Variants in KLHL14 observed in about 807,000 individuals in gnomAD.
KLHL14 encodes kelch like family member 14.
KLHL14 carries 22 observed loss-of-function variants against 64.3 expected under a neutral mutation model. The ratio of observed to expected loss-of-function variants is 0.34; its 90% confidence interval spans 0.24 to 0.49. KLHL14 has a LOEUF of 0.49. Among genes scored for constraint, KLHL14 ranks in the 20% least tolerant of loss-of-function variants. KLHL14 has a pLI of 0.99. For synonymous variants in KLHL14, 322 were observed against 333.4 expected (o/e 0.97, Z 0.37); for missense variants, 661 against 789.0 (o/e 0.84, Z 1.94).
At chr18:32,726,831 A>G (rs2050110660) in intron 3 of KLHL14, among the ~76,000 whole-genome samples, 1 of 152,132 alleles carries the variant, frequency 6.6e-6, no homozygotes, top group Non-Finnish European at 1.5e-5. Context: ...ACCCTCATCA[A>G]TTCTGCTTAA....
Position 32,773,020 on chromosome 18 carries a change from G to C in KLHL14, c.-397C>G, listed in dbSNP as rs1461465131. The C allele has an allele frequency of 3.5e-5, 9 of 259,138 alleles. No homozygotes were observed. The highest frequency in any genetic ancestry group is 5.5e-5 in the Non-Finnish European group (7 of 127,282). The allele number at this position is 259,138 out of a possible 1,614,324, so 16.1% of individuals were successfully genotyped here. On this transcript the variant is annotated 5_prime_UTR_variant, in exon 1 of 9. Transcript: ENST00000359358. ...CCTGGGGCTCAGTGAGTCGTAACGA[G>C]AGTAATAGGAAATCCACGGTTGGGG...
intron 4 of KLHL14, 151 bp downstream of exon 4, chr18:32,695,312 T>C (rs1030177742): frequency 1.6e-6 from 1 of 635,976 alleles, no homozygotes; most frequent in Non-Finnish European, 2.8e-6. Flanking sequence ...TGACCCTCTC[T>C]CCAATTGTCA....
rs1351878984 is a variant in KLHL14 at position 32,673,745 on chromosome 18, G to A, written c.*912C>T. On this transcript the variant is annotated 3_prime_UTR_variant, in exon 9 of 9. Transcript: ENST00000359358. Reference sequence around the variant, plus strand: ...TCTTTCTTTTCATCCCTGAATTCCTGAAAACAATCTCCCATTTTTTTTTAT... The same window carrying A: ...TCTTTCTTTTCATCCCTGAATTCCTAAAAACAATCTCCCATTTTTTTTTAT... 1.3e-5 allele frequency: 2 copies of A among 152,076 alleles called. No individual in the cohort carries two copies. The highest frequency in any genetic ancestry group is 2.9e-5 in the Non-Finnish European group (2 of 68,012). 9.4% of individuals were successfully genotyped at this position (152,076 alleles called of 1,614,324 possible).
At chr18:32,733,060 TGAAAG>T (rs1376907690) in intron 3 of KLHL14, among the ~76,000 whole-genome samples, 1 of 152,186 alleles carries the variant, frequency 6.6e-6, no homozygotes, top group Non-Finnish European at 1.5e-5. Context: ...TGAGCAGTAT[TGAAAG>T]GAAACAGAGT....
rs10676001 is a variant in KLHL14, at chr18:32,761,393, C to CT, written c.947+8251dup. 4.8e-3 allele frequency among the ~76,000 whole-genome samples: 605 copies of CT among 127,058 alleles called. 6 individuals are homozygous for CT. The highest frequency in any genetic ancestry group is 0.015 in the South Asian group (60 of 4,088). 83.4% of individuals were successfully genotyped at this position (127,058 alleles called of 152,430 possible). ...CTTGCCACAAATGTAGCCACACATC[C>CT]TTTTTTTTTTTTTTTTTTTAAGTTC... On this transcript the variant is annotated intron_variant, in intron 2 of 8. Transcript: ENST00000359358.
At chr18:32,726,532 G>A (rs1346949696) in intron 3 of KLHL14, among the ~76,000 whole-genome samples, 1 of 152,046 alleles carries the variant, frequency 6.6e-6, no homozygotes, top group Non-Finnish European at 1.5e-5. Context: ...GCTGAGGTAG[G>A]AGAATCACTT....
chr18:32,686,177 A>ATTTTTTTTTTTTTT (rs148393455), intron 5 of KLHL14, among the ~76,000 whole-genome samples: 110 of 107,658 alleles, frequency 1.0e-3, no homozygotes, highest in Middle Eastern at 6.3e-3. Flanking sequence ...GTGCCCGGCT[A>ATTTTTTTTTTTTTT]TTTTTTTTTT....
At chr18:32,761,393 C>CTTTTTTT (rs10676001) in intron 2 of KLHL14, among the ~76,000 whole-genome samples, 6 of 127,068 alleles carry the variant, frequency 4.7e-5, no homozygotes, top group Admixed American at 8.0e-5. Flanking sequence ...GCCACACATC[C>CTTTTTTT]TTTTTTTTTT....
chr18:32,736,093 G>A (rs2050164661), intron 3 of KLHL14, among the ~76,000 whole-genome samples: 1 of 152,148 alleles, frequency 6.6e-6, no homozygotes, highest in South Asian at 2.1e-4. Context: ...TACACATGCT[G>A]TTCTCTGGAG....
At chr18:32,717,967 C>T (rs564016736) in intron 3 of KLHL14, among the ~76,000 whole-genome samples, 45 of 152,348 alleles carry the variant, frequency 3.0e-4, no homozygotes, top group Admixed American at 4.6e-4. Flanking sequence ...CTGTCTCTTA[C>T]TTCTACAGCC....
Position 32,745,868 on chromosome 18 carries a change from AC to A in KLHL14, c.948-3820del, listed in dbSNP as rs1250231722. Among the ~76,000 whole-genome samples, 6 of 152,360 alleles carry A rather than the reference AC, an allele frequency of 3.9e-5. No individual in the cohort carries two copies. The South Asian group carries it at 1.2e-3, about 32-fold the overall frequency. ...ATTTGAAAACACCACAAACAAAGAT[AC>A]CTGTGAACTAGAAAAGTAAAATTAA... On this transcript the variant is annotated intron_variant, in intron 2 of 8. Coordinates refer to ENST00000359358, the MANE Select transcript of KLHL14 (RefSeq NM_020805.3).
intron 3 of KLHL14, among the ~76,000 whole-genome samples, chr18:32,718,019 G>A (rs1450053724): frequency 6.6e-6 from 1 of 152,178 alleles, no homozygotes; most frequent in African/African-American, 2.4e-5. Context: ...TATAAAATGA[G>A]TTTTGTATTT....
chr18:32,748,255 A>T (rs1024805611), intron 2 of KLHL14, among the ~76,000 whole-genome samples: 3 of 152,112 alleles, frequency 2.0e-5, no homozygotes, highest in East Asian at 1.9e-4. Context: ...TCAGTTGCCC[A>T]GGCTTCTGGA....
At chr18:32,764,261 G>A (rs2050329095) in intron 2 of KLHL14, among the ~76,000 whole-genome samples, 1 of 152,036 alleles carries the variant, frequency 6.6e-6, no homozygotes, top group East Asian at 1.9e-4. Flanking sequence ...TTCTACATTA[G>A]GAGGTTTTAT....
At chr18:32,724,730 T>C (rs551520502) in intron 3 of KLHL14, among the ~76,000 whole-genome samples, 40 of 152,376 alleles carry the variant, frequency 2.6e-4, no homozygotes, top group Middle Eastern at 3.4e-3. Context: ...AGCACTTCAA[T>C]GCAGAGTGTC....
chr18:32,765,503 A>C (rs570273676), intron 2 of KLHL14, among the ~76,000 whole-genome samples: 2 of 152,314 alleles, frequency 1.3e-5, no homozygotes, highest in South Asian at 4.1e-4. Flanking sequence ...TCAGATAATA[A>C]ACAAATTGTA....
At chr18:32,746,373 G>A (rs2050223726) in intron 2 of KLHL14, among the ~76,000 whole-genome samples, 1 of 152,110 alleles carries the variant, frequency 6.6e-6, no homozygotes. Flanking sequence ...TGTCACATTT[G>A]GGCGTGTGTG....
At chr18:32,688,041 G>A (rs1401451446) in intron 4 of KLHL14, among the ~76,000 whole-genome samples, 1 of 152,174 alleles carries the variant, frequency 6.6e-6, no homozygotes, top group Non-Finnish European at 1.5e-5. Context: ...GAGCTGAGAA[G>A]CATGGTAATG....
rs1598583256 is a variant in KLHL14 at position 32,769,654 on chromosome 18, A to C, written c.938T>G (p.Leu313Arg). Reference sequence around the variant, plus strand: ...CTTTGTTGTCTCCTACCTGCTGGCCAGGCTCTGCCTGCAGTGCTGCCTGAA... The same window carrying C: ...CTTTGTTGTCTCCTACCTGCTGGCCCGGCTCTGCCTGCAGTGCTGCCTGAA... Reference protein sequence around the residue: ...MPFRQHCRQSLASRIRSNKKM... With the variant: ...MPFRQHCRQSRASRIRSNKKM... The change falls in exon 2 of 9, where the codon CTG (leucine) becomes CGG (arginine). Residue 313 changes from leucine (L) to arginine (R), a missense_variant. Physicochemically the swap from Leu to Arg is moderately radical, Grantham distance 102. This residue lies in a region of KLHL14 where 330 missense variants were observed against 450.0 expected (regional missense o/e 0.73). Coordinates refer to ENST00000359358, the MANE Select transcript of KLHL14 (RefSeq NM_020805.3). The C allele has an allele frequency of 1.7e-6, 2 of 1,194,816 alleles. No homozygotes were observed. Among genetic ancestry groups the C allele is most frequent in the Non-Finnish European group, 1.1e-6 (1 of 928,030 alleles). 74.0% of individuals were successfully genotyped at this position (1,194,816 alleles called of 1,614,324 possible). A position where few individuals can be genotyped will look rare whatever the true frequency, so the allele number is the denominator to read the frequency against.
Sources: gnomAD v4.1 joint callset for allele counts (sites outside exome capture counted in the v4.1 genomes callset) on GRCh38, gnomAD v4.1.1 for gene constraint, gnomAD v4.1.1 regional missense constraint, MANE v1.5 for transcripts, NCBI Gene and HGNC (gene_info 2026-07-23, HGNC 2026-07-21) for gene names.